The following CLPX variants were observed in gnomAD, a reference collection of about 807,000 sequenced individuals.
CLPX encodes caseinolytic mitochondrial matrix peptidase chaperone subunit X.
CLPX carries 34 observed loss-of-function variants against 76.4 expected under a neutral mutation model. The ratio of observed to expected loss-of-function variants is 0.45; its 90% CI spans 0.34 to 0.59. The LOEUF (loss-of-function observed/expected upper bound fraction) is 0.59, where lower values mean the gene tolerates loss of function less well. CLPX is among the 20% of genes least tolerant of loss of function. The pLI is 0.01. For missense variants in CLPX, 613 were observed against 757.0 expected (o/e 0.81, Z 2.23); for synonymous variants, 248 against 270.9 (o/e 0.92, Z 0.83).
At chr15:65,180,011 T>G in intron 2 of CLPX, 33 bp downstream of exon 2, 1 of 1,487,642 alleles carries the variant, frequency 6.7e-7, no homozygotes, top group African/African-American at 1.4e-5. Context: ...GAACTCACAA[T>G]GTGTACAGAT....
intron 3 of CLPX, among the ~76,000 whole-genome samples, chr15:65,171,989 CT>C (rs1247652479): frequency 2.0e-5 from 3 of 152,056 alleles, no homozygotes; most frequent in Admixed American, 1.3e-4. Flanking sequence ...TTGCAATGCA[CT>C]TTTTTGTTTT....
Position 65,162,671 on chromosome 15 carries a change from A to G in CLPX, c.674-26T>C, listed in dbSNP as rs575689575. On this transcript the variant is annotated intron_variant, in intron 5 of 13. Transcript: ENST00000300107. The stretch of plus-strand genomic sequence containing the variant: ...CTAAGAAAGAGGATGAAAATATTAC[A>G]TATTTGTTTACCTTGGGGGAACAAA... The G allele has an allele frequency of 5.7e-5, 80 of 1,414,874 alleles. 1 individual carries two copies. The South Asian group carries it at 8.6e-4, about 15-fold the overall frequency. 87.6% of individuals were successfully genotyped at this position (1,414,874 alleles called of 1,614,324 possible).
At chr15:65,178,566 ATATAT>A (rs904749107) in intron 3 of CLPX, among the ~76,000 whole-genome samples, 3 of 151,916 alleles carry the variant, frequency 2.0e-5, no homozygotes, top group Non-Finnish European at 4.4e-5. Flanking sequence ...CAATTTATAT[ATATAT>A]ATTTCTTTTT....
intron 3 of CLPX, among the ~76,000 whole-genome samples, chr15:65,170,149 G>C (rs2087980390): frequency 6.6e-6 from 1 of 152,090 alleles, no homozygotes; most frequent in Non-Finnish European, 1.5e-5. Context: ...CTCCCAAGTA[G>C]CTGGGTTTGG....
intron 3 of CLPX, among the ~76,000 whole-genome samples, chr15:65,175,450 C>T (rs752841554): frequency 3.3e-5 from 5 of 152,256 alleles, no homozygotes; most frequent in Admixed American, 6.5e-5. Flanking sequence ...GAGCCAAGAT[C>T]GCGCCACTGC....
intron 1 of CLPX, among the ~76,000 whole-genome samples, chr15:65,181,223 A>C (rs1347557638): frequency 3.9e-5 from 6 of 151,966 alleles, no homozygotes; most frequent in Non-Finnish European, 8.8e-5. Context: ...TTCTTTAAAA[A>C]ATTGTGTTAT....
chr15:65,159,692 G>A (rs915179518), intron 6 of CLPX, among the ~76,000 whole-genome samples: 1 of 152,060 alleles, frequency 6.6e-6, no homozygotes, highest in African/African-American at 2.4e-5. Context: ...TCTCTTGGCT[G>A]AAGGAAAGAT....
At chr15:65,156,250 C>T (rs914295662) in intron 9 of CLPX, among the ~76,000 whole-genome samples, 1 of 152,124 alleles carries the variant, frequency 6.6e-6, no homozygotes, top group Admixed American at 6.5e-5. Flanking sequence ...ATTCCACTTA[C>T]AGTATTAAAC....
At chr15:65,151,677 T>C (rs1414787270) in intron 13 of CLPX, among the ~76,000 whole-genome samples, 4 of 152,154 alleles carry the variant, frequency 2.6e-5, no homozygotes, top group Non-Finnish European at 4.4e-5. Flanking sequence ...CATACGTCAA[T>C]GTCATTAAAC....
rs750601945 is a variant in CLPX at position 65,180,212 on chromosome 15, TA to T, written c.80-9del. On this transcript the variant is annotated splice_polypyrimidine_tract_variant and intron_variant, in intron 1 of 13. Coordinates refer to ENST00000300107, the MANE Select transcript of CLPX (RefSeq NM_006660.5). ...TGCGACCACCAGAAATACCTGAAAA[TA>T]AAAGGAAATCTACATCAAATATAGA... is the stretch of plus-strand genomic sequence containing the variant. 6.4e-7 allele frequency: 1 copy of T among 1,570,248 alleles called. No individual in the cohort carries two copies. The highest frequency in any genetic ancestry group is 8.6e-7 in the Non-Finnish European group (1 of 1,157,090).
Position 65,152,501 on chromosome 15 carries a change from A to G in CLPX, c.1740T>C (p.Pro580=). 6.5e-7 allele frequency: 1 copy of G among 1,546,434 alleles called. No individual in the cohort carries two copies. The highest frequency in any genetic ancestry group is 8.7e-7 in the Non-Finnish European group (1 of 1,147,348). The change falls in exon 13 of 14, where the codon CCT becomes CCC. Residue 580 remains proline, a synonymous_variant. Transcript: ENST00000300107. ...KLLLEPMFEV[P]NSDIVCVEVD... ...CCTCCACACATACGATATCAGAATT[A>G]GGGACTTCAAACATTGGTTCTAGTA... is the stretch of plus-strand genomic sequence containing the variant.
In CLPX at chr15:65,178,239, A is replaced by G. The variant is rs149059602; in HGVS notation, c.358+695T>C. Among the ~76,000 whole-genome samples the G allele has an allele frequency of 3.9e-3, 587 of 152,358 alleles. 2 individuals are homozygous for G. The highest frequency in any genetic ancestry group is 0.01 in the Admixed American group (153 of 15,296). On this transcript the variant is annotated intron_variant, in intron 3 of 13. Transcript: ENST00000300107. Reference sequence around the variant, plus strand: ...CCTTCCCAGCCATGTGAGATATTCAATATGTATTTGAAGAAAGTAGTAATA... The same window carrying G: ...CCTTCCCAGCCATGTGAGATATTCAGTATGTATTTGAAGAAAGTAGTAATA...
At chr15:65,157,351 G>A (rs2087802987) in intron 8 of CLPX, among the ~76,000 whole-genome samples, 5 of 152,144 alleles carry the variant, frequency 3.3e-5, no homozygotes, top group Admixed American at 3.3e-4. Flanking sequence ...ATAAATGAAG[G>A]AGCAACGCAG....
chr15:65,175,259 G>T (rs1018052613), intron 3 of CLPX, among the ~76,000 whole-genome samples: 2 of 152,174 alleles, frequency 1.3e-5, no homozygotes, highest in African/African-American at 4.8e-5. Flanking sequence ...GCCAAGGCAG[G>T]TGAATCACCT....
chr15:65,155,494 C>T (rs1310157718), intron 10 of CLPX, among the ~76,000 whole-genome samples, 198 bp downstream of exon 10: 1 of 152,094 alleles, frequency 6.6e-6, no homozygotes, highest in East Asian at 1.9e-4. Flanking sequence ...GCAATCTGCC[C>T]ACCTTGGCCT....
At position 65,164,204 on chromosome 15, in the gene CLPX, G is replaced by T; in HGVS notation, c.514-16C>A. ...AGTTATAAATCTGAAAAATGATTAG[G>T]TATGAATAATTTAATATGAGCTATT... On this transcript the variant is annotated splice_polypyrimidine_tract_variant and intron_variant, in intron 4 of 13. Transcript: ENST00000300107. The T allele has an allele frequency of 6.3e-7, 1 of 1,586,946 alleles. No homozygotes were observed. The highest frequency in any genetic ancestry group is 1.1e-5 in the South Asian group (1 of 87,816).
chr15:65,149,433 G>T lies in CLPX; in HGVS notation c.*1390C>A. 1 of 260,030 alleles carries T rather than the reference G, an allele frequency of 3.8e-6. No individual in the cohort carries two copies. Among genetic ancestry groups the T allele is most frequent in the Non-Finnish European group, 7.6e-6 (1 of 131,014 alleles). 16.1% of individuals were successfully genotyped at this position (260,030 alleles called of 1,614,324 possible). A position where few individuals can be genotyped will look rare whatever the true frequency, so the allele number is the denominator to read the frequency against. On this transcript the variant is annotated 3_prime_UTR_variant, in exon 14 of 14. Transcript: ENST00000300107. ...GAGGTTGCAGTGAGCCAAGATTGTGGCACTGTACTCCAGCCTGGGTGACAC... is the reference window on the plus strand; with the variant it reads ...GAGGTTGCAGTGAGCCAAGATTGTGTCACTGTACTCCAGCCTGGGTGACAC...
At position 65,176,418 on chromosome 15, in the gene CLPX, G is replaced by A. The variant is rs142591801; in HGVS notation, c.358+2516C>T. ...CTGAATAGCAAATCTTCACTGCTATGTGACCTTGAATGAGTTACTTAAACT... is the reference window on the plus strand; with the variant it reads ...CTGAATAGCAAATCTTCACTGCTATATGACCTTGAATGAGTTACTTAAACT... On this transcript the variant is annotated intron_variant, in intron 3 of 13. Transcript: ENST00000300107. Among the ~76,000 whole-genome samples the A allele has an allele frequency of 7.7e-3, 1,174 of 152,270 alleles. 22 individuals carry two copies. The highest frequency in any genetic ancestry group is 0.024 in the Middle Eastern group (7 of 294).
rs529956238 is a variant in CLPX at position 65,175,389 on chromosome 15, G to A, written c.358+3545C>T. ...TAATCCCAGCTACTTGGGAGGCTGC[G>A]GCTGAGGCACCTGAGGCTGGCACTT... On this transcript the variant is annotated intron_variant, in intron 3 of 13. Transcript: ENST00000300107. 4.6e-5 allele frequency among the ~76,000 whole-genome samples: 7 copies of A among 152,262 alleles called. No homozygotes were observed. In the South Asian group the frequency reaches 6.2e-4, roughly 14 times the overall value.
Sources: allele counts gnomAD v4.1 joint callset (sites outside exome capture counted in the v4.1 genomes callset), GRCh38; gene constraint gnomAD v4.1.1; transcripts MANE v1.5; gene names NCBI Gene and HGNC (gene_info 2026-07-23, HGNC 2026-07-21).